LRRC4B: variants seen among roughly 807,000 people sequenced by gnomAD.
LRRC4B encodes the protein leucine-rich repeat-containing protein 4B.
Under a neutral mutation model 7.3 loss-of-function variants are expected in LRRC4B, and 1 was observed. The ratio of observed to expected loss-of-function variants is 0.14; its 90% CI spans 0.05 to 0.65. The LOEUF is 0.65. Among genes scored for constraint, LRRC4B ranks in the 30% least tolerant of loss-of-function variants. The pLI, the probability that LRRC4B is intolerant of heterozygous loss-of-function variation, is 0.84. For missense variants in LRRC4B, 730 were observed against 1,041.6 expected (o/e 0.70, Z 4.12); for synonymous variants, 500 against 499.2 (o/e 1.00, Z -0.02).
intron 2 of LRRC4B, among the ~76,000 whole-genome samples, chr19:50,542,764 C>T (rs1280121270): frequency 6.6e-6 from 1 of 152,110 alleles, no homozygotes; most frequent in Non-Finnish European, 1.5e-5. Flanking sequence ...GGCATAGCCA[C>T]CGCGCCTGGC....
At chr19:50,552,660 CCATCCATCCATCCATCCATCCAT>C (rs1167368120) in intron 1 of LRRC4B, among the ~76,000 whole-genome samples, 4 of 128,612 alleles carry the variant, frequency 3.1e-5, no homozygotes, top group African/African-American at 1.1e-4. Flanking sequence ...ATCCATCCAT[CCATCCATCCATCCATCCATCCAT>C]CCATCCGTCC....
chr19:50,549,260 G>A (rs183939387), intron 1 of LRRC4B, among the ~76,000 whole-genome samples: 2 of 152,312 alleles, frequency 1.3e-5, no homozygotes, highest in East Asian at 3.9e-4. Flanking sequence ...GAGTGAGACA[G>A]ACAGACAGAC....
rs1245898558 is a variant in LRRC4B, at chr19:50,548,240, C to T, written c.297+302G>A. On this transcript the variant is annotated intron_variant, in intron 2 of 2. Coordinates refer to ENST00000652263, the MANE Select transcript of LRRC4B (RefSeq NM_001080457.2). The surrounding 1 kb of genome is among the most constrained non-coding windows in gnomAD (Gnocchi z 6.8). Reference sequence around the variant, plus strand: ...GGTTGCTCTCCACACCCCAGGGACTCCAGGGCTCGGCCTAGGCCGACCCGC... The same window carrying T: ...GGTTGCTCTCCACACCCCAGGGACTTCAGGGCTCGGCCTAGGCCGACCCGC... 6.6e-6 allele frequency among the ~76,000 whole-genome samples: 1 copy of T among 152,212 alleles called. No homozygotes were observed. The highest frequency in any genetic ancestry group is 1.5e-5 in the Non-Finnish European group (1 of 68,024).
chr19:50,517,883 C>A lies in LRRC4B; in HGVS notation c.1830G>T (p.Gly610=), dbSNP rs1186195843. 1.3e-6 allele frequency: 2 copies of A among 1,595,612 alleles called. No individual in the cohort carries two copies. Among genetic ancestry groups the A allele is most frequent in the African/African-American group, 2.7e-5 (2 of 73,764 alleles). ...TGATGATCTCCACGGTGCGCGTGGG[C>A]CCGTGGTGCTTGTGGAGCTGGTGCT... ...RKQHQLHKHH[G]PTRTVEIINV... Residue 610 remains glycine, a synonymous_variant, in exon 3 of 3, where the codon GGG becomes GGT. Transcript: ENST00000652263. The surrounding 1 kb of genome is among the most constrained non-coding windows in gnomAD (Gnocchi z 6.6).
At position 50,563,427 on chromosome 19, in the gene LRRC4B, C is replaced by T. The variant is rs527963966; in HGVS notation, c.-36+4517G>A. Among the ~76,000 whole-genome samples, 4 of 152,218 alleles carry T rather than the reference C, an allele frequency of 2.6e-5. No individual in the cohort carries two copies. The highest frequency in any genetic ancestry group is 5.9e-5 in the Non-Finnish European group (4 of 68,028). Reference sequence around the variant, plus strand: ...TACCCCACCAGAGAGGACACAAAGACGTGCCCCCTTCACCCAGCAAGGGTG... The same window carrying T: ...TACCCCACCAGAGAGGACACAAAGATGTGCCCCCTTCACCCAGCAAGGGTG... On this transcript the variant is annotated intron_variant, in intron 1 of 2. Transcript: ENST00000652263. The surrounding 1 kb of genome is among the most constrained non-coding windows in gnomAD (Gnocchi z 4.9).
chr19:50,518,071 G>T lies in LRRC4B; in HGVS notation c.1642C>A (p.Pro548Thr). 6.3e-7 allele frequency: 1 copy of T among 1,590,486 alleles called. No homozygotes were observed. Residue 548 changes from proline (P) to threonine (T), a missense_variant, in exon 3 of 3, where the codon CCC becomes ACC. By Grantham distance (38) the Pro-to-Thr change is conservative (BLOSUM62 -1). This residue lies in a region of LRRC4B where 192 missense variants were observed against 228.6 expected (regional missense o/e 0.84). Transcript: ENST00000652263. Reference sequence around the variant, plus strand: ...GGCACCGTGAACGCCTTCTCCGTGGGCCGCGAGGAGCGCGGGGCGGGTGCC... The same window carrying T: ...GGCACCGTGAACGCCTTCTCCGTGGTCCGCGAGGAGCGCGGGGCGGGTGCC... ...TTAPAPRSSRPTEKAFTVPIT... is the reference protein window; with the variant it reads ...TTAPAPRSSRTTEKAFTVPIT...
At chr19:50,535,105 T>C (rs1047649107) in intron 2 of LRRC4B, among the ~76,000 whole-genome samples, 1 of 152,140 alleles carries the variant, frequency 6.6e-6, no homozygotes, top group Non-Finnish European at 1.5e-5. Flanking sequence ...CCTGACCTCA[T>C]GATCTGCCCG....
At chr19:50,557,246 C>T (rs1195337598) in intron 1 of LRRC4B, among the ~76,000 whole-genome samples, 2 of 152,112 alleles carry the variant, frequency 1.3e-5, no homozygotes, top group African/African-American at 4.8e-5. Context: ...GGTCAAATTC[C>T]AAAAGCCAGA....
chr19:50,543,942 G>A (rs1202309045), intron 2 of LRRC4B, among the ~76,000 whole-genome samples: 4 of 150,822 alleles, frequency 2.7e-5, no homozygotes, highest in African/African-American at 9.7e-5. Context: ...GTGGTGGCTT[G>A]GGCCTGTAAT....
Position 50,568,005 on chromosome 19 carries a change from CA to C in LRRC4B, c.-98del. 6.6e-6 allele frequency: 1 copy of C among 150,646 alleles called. No homozygotes were observed. Among genetic ancestry groups the C allele is most frequent in the Non-Finnish European group, 1.5e-5 (1 of 67,488 alleles). 9.3% of individuals were successfully genotyped at this position (150,646 alleles called of 1,614,324 possible). Reference sequence around the variant, plus strand: ...CCGGCCCGTGGGGGGAGGACCCCCCCAATGAGGCTCAGGAATTTGGGGTGCA... The same window carrying C: ...CCGGCCCGTGGGGGGAGGACCCCCCCATGAGGCTCAGGAATTTGGGGTGCA... On this transcript the variant is annotated 5_prime_UTR_variant, in exon 1 of 3. It adds an upstream start codon to the 5' untranslated region. Coordinates refer to ENST00000652263, the MANE Select transcript of LRRC4B (RefSeq NM_001080457.2).
intron 1 of LRRC4B, among the ~76,000 whole-genome samples, chr19:50,559,777 T>C (rs1015341315): frequency 6.6e-6 from 1 of 152,266 alleles, no homozygotes. Context: ...CTGAAAACTA[T>C]GTGAACTGGA....
chr19:50,519,467 G>A lies in LRRC4B; in HGVS notation c.298-52C>T, dbSNP rs1318672629. On this transcript the variant is annotated intron_variant, in intron 2 of 2. Transcript: ENST00000652263. This position sits in a 1 kb window ranked among gnomAD's most constrained non-coding sequence, Gnocchi z 8.1. The stretch of plus-strand genomic sequence containing the variant: ...CACGGAGATACTGACGGGGACCGTG[G>A]GGGGATCACCAAGGTCCCGGGCGCA... The A allele has an allele frequency of 1.3e-6, 2 of 1,484,460 alleles. No homozygotes were observed. The highest frequency in any genetic ancestry group is 1.3e-5 in the South Asian group (1 of 75,026). 92.0% of individuals were successfully genotyped at this position (1,484,460 alleles called of 1,614,324 possible).
At chr19:50,534,390 G>A (rs570596797) in intron 2 of LRRC4B, among the ~76,000 whole-genome samples, 16 of 152,218 alleles carry the variant, frequency 1.1e-4, no homozygotes, top group African/African-American at 3.6e-4. Flanking sequence ...ATTGGTTCTT[G>A]ACGCAGGTAA....
intron 2 of LRRC4B, among the ~76,000 whole-genome samples, chr19:50,525,690 G>A (rs1980779771): frequency 6.6e-6 from 1 of 151,734 alleles, no homozygotes; most frequent in Admixed American, 6.6e-5. Context: ...AAAGTGCCGG[G>A]ATTACACACG....
intron 1 of LRRC4B, among the ~76,000 whole-genome samples, chr19:50,558,946 T>G (rs1484310999): frequency 6.6e-6 from 1 of 152,238 alleles, no homozygotes; most frequent in Non-Finnish European, 1.5e-5. Flanking sequence ...CTGCCTTGGT[T>G]GCCTGTGCCA....
chr19:50,555,255 G>A lies in LRRC4B; in HGVS notation c.-35-6382C>T, dbSNP rs927077772. 1 of 152,466 alleles carries A rather than the reference G, an allele frequency of 6.6e-6. No individual in the cohort carries two copies. The highest frequency in any genetic ancestry group is 1.5e-5 in the Non-Finnish European group (1 of 68,230). The allele number at this position is 152,466 out of a possible 1,614,324, so 9.4% of individuals were successfully genotyped here. A position where few individuals can be genotyped will look rare whatever the true frequency, so the allele number is the denominator to read the frequency against. ...CAGAGGTGAGCGGCACTTGCCAAAGGTTACACAGCCCTCCAGCAGCACAGC... is the reference window on the plus strand; with the variant it reads ...CAGAGGTGAGCGGCACTTGCCAAAGATTACACAGCCCTCCAGCAGCACAGC... On this transcript the variant is annotated intron_variant, in intron 1 of 2. Transcript: ENST00000652263. The surrounding 1 kb of genome is among the most constrained non-coding windows in gnomAD (Gnocchi z 5.2).
chr19:50,550,166 G>A (rs1297394787), intron 1 of LRRC4B, among the ~76,000 whole-genome samples: 1 of 152,118 alleles, frequency 6.6e-6, no homozygotes, highest in Non-Finnish European at 1.5e-5. Flanking sequence ...TTACAGATGG[G>A]GACACTGAGG....
chr19:50,562,929 G>A (rs1237477433), intron 1 of LRRC4B, among the ~76,000 whole-genome samples: 3 of 151,784 alleles, frequency 2.0e-5, no homozygotes, highest in African/African-American at 4.8e-5. Context: ...TGGTAGAGAC[G>A]GGGTTTCACC....
intron 2 of LRRC4B, among the ~76,000 whole-genome samples, chr19:50,526,515 G>A (rs1980812400): frequency 6.6e-6 from 1 of 152,120 alleles, no homozygotes; most frequent in African/African-American, 2.4e-5. Context: ...AGGGCGTCTT[G>A]CGCAATGAAG....
Sources: allele counts gnomAD v4.1 joint callset (sites outside exome capture counted in the v4.1 genomes callset), GRCh38; gene constraint gnomAD v4.1.1; regional missense constraint gnomAD v4.1.1; non-coding constraint Gnocchi (gnomAD v3.1); transcripts MANE v1.5; gene names NCBI Gene and HGNC (gene_info 2026-07-23, HGNC 2026-07-21).